CNTN6: variants seen among roughly 807,000 people sequenced by gnomAD.
CNTN6 encodes contactin 6.
CNTN6 carries 137 observed loss-of-function variants against 122.8 expected under a neutral mutation model. That is an observed-to-expected ratio of 1.12 (90% CI 0.97 to 1.29). CNTN6 has a LOEUF of 1.29. Ranked by LOEUF, CNTN6 falls within the 50% of genes most tolerant of loss-of-function variation. CNTN6 has a pLI of 0.00. For missense variants in CNTN6, 1,634 were observed against 1,223.4 expected, an observed-to-expected ratio of 1.34 and a Z score of -5.01; for synonymous variants, 570 against 426.0, an observed-to-expected ratio of 1.34 and a Z score of -4.16.
intron 11 of CNTN6, among the ~76,000 whole-genome samples, chr3:1,335,298 C>T (rs147130951): frequency 6.6e-6 from 1 of 152,236 alleles, no homozygotes; most frequent in East Asian, 1.9e-4. Context: ...TATGCATATC[C>T]CAGTTGTGCA....
chr3:1,373,467 C>G (rs561458218), intron 14 of CNTN6, 137 bp from the exon 15 acceptor site: 1 of 704,788 alleles, frequency 1.4e-6, no homozygotes, highest in African/African-American at 1.8e-5. Context: ...AGAACTTTAT[C>G]GCTAATAATG....
chr3:1,202,466 G>A (rs12487009), intron 2 of CNTN6, among the ~76,000 whole-genome samples: 27,313 of 151,678 alleles, frequency 0.18, 2,630 homozygotes, highest in African/African-American at 0.24. Flanking sequence ...CGGGAACCCC[G>A]GGGGGCGGAG....
chr3:1,267,496 G>A (rs148626488), intron 4 of CNTN6, among the ~76,000 whole-genome samples: 54 of 152,120 alleles, frequency 3.5e-4, no homozygotes, highest in Non-Finnish European at 6.6e-4. Flanking sequence ...AGAGGTCCCC[G>A]GCTCCTGTAC....
chr3:1,285,841 A>C (rs1694239852), intron 5 of CNTN6, among the ~76,000 whole-genome samples: 1 of 152,162 alleles, frequency 6.6e-6, no homozygotes, highest in Non-Finnish European at 1.5e-5. Flanking sequence ...GGAGATAACA[A>C]GAGTTCTTTA....
intron 1 of CNTN6, among the ~76,000 whole-genome samples, chr3:1,112,080 C>A (rs1372764849): frequency 6.6e-6 from 1 of 152,038 alleles, no homozygotes; most frequent in Non-Finnish European, 1.5e-5. Flanking sequence ...AGCTGGGGAA[C>A]CTCTGAACTA....
At chr3:1,378,468 C>T (rs916872400) in intron 17 of CNTN6, among the ~76,000 whole-genome samples, 1 of 152,038 alleles carries the variant, frequency 6.6e-6, no homozygotes, top group Non-Finnish European at 1.5e-5. Flanking sequence ...TGAAAGTCAC[C>T]CTTTCCTCTG....
intron 1 of CNTN6, among the ~76,000 whole-genome samples, chr3:1,109,922 T>C (rs2091401956): frequency 6.6e-6 from 1 of 152,122 alleles, no homozygotes; most frequent in African/African-American, 2.4e-5. Flanking sequence ...TACATATCTC[T>C]TCTATATACA....
chr3:1,312,147 G>A (rs147431538), intron 7 of CNTN6, among the ~76,000 whole-genome samples: 42 of 152,066 alleles, frequency 2.8e-4, no homozygotes, highest in African/African-American at 1.0e-3. Context: ...CCAGGGACCT[G>A]CCCTAAAAGT....
Position 1,191,364 on chromosome 3 carries a change from G to A in CNTN6, c.56-29323G>A, listed in dbSNP as rs573729778. Among the ~76,000 whole-genome samples, 6 of 152,276 alleles carry A rather than the reference G, an allele frequency of 3.9e-5. No homozygotes were observed. In the South Asian group the frequency reaches 1.0e-3, roughly 26 times the overall value. On this transcript the variant is annotated intron_variant, in intron 2 of 22. Coordinates refer to ENST00000446702, the MANE Select transcript of CNTN6 (RefSeq NM_001289080.2). ...AGTCCCGTCTCCCATCCTCCAGGAA[G>A]GGGAGATTAGGTTAATAATTAATAA...
intron 1 of CNTN6, among the ~76,000 whole-genome samples, chr3:1,110,331 C>A (rs1451132807): frequency 1.3e-5 from 2 of 151,960 alleles, no homozygotes; most frequent in Non-Finnish European, 2.9e-5. Context: ...ATTGAAGAAA[C>A]CACATAAAAC....
At chr3:1,240,107 C>G (rs1285509551) in intron 4 of CNTN6, among the ~76,000 whole-genome samples, 1 of 152,086 alleles carries the variant, frequency 6.6e-6, no homozygotes, top group African/African-American at 2.4e-5. Context: ...CAGACATTGG[C>G]TTAGGCAAAG....
chr3:1,288,840 G>C lies in CNTN6; in HGVS notation c.455-6761G>C, dbSNP rs201072288. On this transcript the variant is annotated intron_variant, in intron 5 of 22. Coordinates refer to ENST00000446702, the MANE Select transcript of CNTN6 (RefSeq NM_001289080.2). ...ATGTCAAAACATAATCACACTCTGGGGAAAAGAGGATTTGTTGTATGCTTG... is the reference window on the plus strand; with the variant it reads ...ATGTCAAAACATAATCACACTCTGGCGAAAAGAGGATTTGTTGTATGCTTG... Among the ~76,000 whole-genome samples, 53 of 152,266 alleles carry C rather than the reference G, an allele frequency of 3.5e-4. No homozygotes were observed. The East Asian group carries it at 5.8e-3, about 17-fold the overall frequency.
chr3:1,119,375 A>C (rs2091866085), intron 1 of CNTN6, among the ~76,000 whole-genome samples: 1 of 93,236 alleles, frequency 1.1e-5, no homozygotes, highest in South Asian at 3.3e-4. Context: ...TTTGGCCCAG[A>C]TAAACTCTTC....
intron 21 of CNTN6, 135 bp downstream of exon 21, chr3:1,401,680 T>C (rs554063310): frequency 1.6e-5 from 10 of 616,518 alleles, no homozygotes; most frequent in Admixed American, 3.2e-5. Context: ...GAAAATACCA[T>C]TGCTGCTTTC....
intron 3 of CNTN6, among the ~76,000 whole-genome samples, chr3:1,222,401 A>G (rs892861129): frequency 6.6e-6 from 1 of 152,212 alleles, no homozygotes; most frequent in Non-Finnish European, 1.5e-5. Context: ...GGGTTAGTAG[A>G]GAAAGAATAT....
At chr3:1,304,192 G>A (rs67722466) in intron 7 of CNTN6, among the ~76,000 whole-genome samples, 24,975 of 152,090 alleles carry the variant, frequency 0.16, 2,108 homozygotes, top group East Asian at 0.22. Context: ...TCTCTACACA[G>A]AAAATAAGGG....
At chr3:1,351,447 T>C (rs951271326) in intron 11 of CNTN6, among the ~76,000 whole-genome samples, 2 of 151,938 alleles carry the variant, frequency 1.3e-5, no homozygotes, top group African/African-American at 4.8e-5. Context: ...ATTTGTAAGA[T>C]ATAAAATATG....
chr3:1,257,285 T>C (rs1323173096), intron 4 of CNTN6, among the ~76,000 whole-genome samples: 1 of 152,148 alleles, frequency 6.6e-6, no homozygotes, highest in African/African-American at 2.4e-5. Context: ...ATGTGAAATG[T>C]TCCTATTTTT....
intron 2 of CNTN6, among the ~76,000 whole-genome samples, chr3:1,180,660 C>T (rs1470181637): frequency 2.6e-5 from 4 of 152,160 alleles, no homozygotes; most frequent in Non-Finnish European, 5.9e-5. Context: ...GGCTTAAATG[C>T]AAGCTTATTC....
Sources: allele counts gnomAD v4.1 joint callset (sites outside exome capture counted in the v4.1 genomes callset), GRCh38; gene constraint gnomAD v4.1.1; transcripts MANE v1.5; gene names NCBI Gene and HGNC (gene_info 2026-07-23, HGNC 2026-07-21).